STXBP6: variants seen among roughly 807,000 people sequenced by gnomAD.
STXBP6 encodes the protein syntaxin binding protein 6, also known as syntaxin-binding protein 6.
Under a neutral mutation model 26.9 loss-of-function variants are expected in STXBP6, and 21 were observed. The ratio of observed to expected loss-of-function variants is 0.78; its 90% CI spans 0.55 to 1.12. The LOEUF is 1.12. STXBP6 is among the 50% of genes most tolerant of loss of function. The pLI is 0.00. For missense variants in STXBP6, 232 were observed against 257.9 expected (o/e 0.90, Z 0.69); for synonymous variants, 97 against 92.6 (o/e 1.05, Z -0.27).
chr14:24,916,589 G>A (rs1163315297), intron 2 of STXBP6, among the ~76,000 whole-genome samples: 1 of 152,058 alleles, frequency 6.6e-6, no homozygotes, highest in African/African-American at 2.4e-5. Flanking sequence ...GGTGTGTGGG[G>A]AGTGTTTTGT....
At chr14:24,890,691 A>G (rs2070757009) in intron 2 of STXBP6, among the ~76,000 whole-genome samples, 1 of 152,212 alleles carries the variant, frequency 6.6e-6, no homozygotes, top group African/African-American at 2.4e-5. Flanking sequence ...CTTCTAGAGG[A>G]TACTGGAATC....
intron 2 of STXBP6, among the ~76,000 whole-genome samples, chr14:24,912,672 C>T (rs1011117907): frequency 1.3e-5 from 2 of 152,136 alleles, no homozygotes; most frequent in Non-Finnish European, 2.9e-5. Flanking sequence ...TGTGAGTACA[C>T]TTGATTAATG....
At chr14:24,818,994 C>T in intron 5 of STXBP6, 43 bp downstream of exon 5, 2 of 1,516,100 alleles carry the variant, frequency 1.3e-6, no homozygotes, top group Non-Finnish European at 1.8e-6. Flanking sequence ...CTGTAGCTCC[C>T]CAACACCCCA....
At chr14:25,031,073 T>A (rs536094960) in intron 1 of STXBP6, among the ~76,000 whole-genome samples, 7 of 152,202 alleles carry the variant, frequency 4.6e-5, no homozygotes, top group Non-Finnish European at 1.0e-4. Flanking sequence ...TATTTCTTCA[T>A]ACACACAATA....
At chr14:25,035,390 G>C (rs1424704032) in intron 1 of STXBP6, among the ~76,000 whole-genome samples, 6 of 152,252 alleles carry the variant, frequency 3.9e-5, no homozygotes, top group Admixed American at 2.6e-4. Context: ...TGTTTACTCA[G>C]GACACCATGA....
chr14:24,886,106 A>G (rs958921917), intron 2 of STXBP6, among the ~76,000 whole-genome samples: 1 of 152,014 alleles, frequency 6.6e-6, no homozygotes, highest in Admixed American at 6.6e-5. Flanking sequence ...AGGGCAGGAC[A>G]CTCCGACAAC....
intron 2 of STXBP6, among the ~76,000 whole-genome samples, chr14:24,902,469 G>A (rs1335482113): frequency 6.6e-6 from 1 of 152,130 alleles, no homozygotes; most frequent in African/African-American, 2.4e-5. Context: ...CTATATTTGA[G>A]ACTTGAGACT....
At chr14:24,815,155 T>C (rs1343036230) in intron 5 of STXBP6, among the ~76,000 whole-genome samples, 2 of 152,198 alleles carry the variant, frequency 1.3e-5, no homozygotes, top group African/African-American at 2.4e-5. Context: ...ATCTGCTGTA[T>C]GACCTTGAGC....
Position 24,907,681 on chromosome 14 carries a change from T to A in STXBP6, c.155-50524A>T, listed in dbSNP as rs2332453. 1.5e-3 allele frequency among the ~76,000 whole-genome samples: 221 copies of A among 152,320 alleles called. 1 individual carries two copies. Among genetic ancestry groups the A allele is most frequent in the Admixed American group, 3.8e-3 (58 of 15,302 alleles). ...TTAATAAGCATTTAAAAAAATCTTA[T>A]AACAAGTAGTTACACTGAATTCTAC... is the stretch of plus-strand genomic sequence containing the variant. On this transcript the variant is annotated intron_variant, in intron 2 of 5. Transcript: ENST00000323944.
At chr14:24,823,189 C>T (rs1017548098) in intron 4 of STXBP6, among the ~76,000 whole-genome samples, 9 of 152,050 alleles carry the variant, frequency 5.9e-5, no homozygotes, top group African/African-American at 1.9e-4. Flanking sequence ...AAAATATATA[C>T]GCTGACATCT....
chr14:24,952,421 A>T (rs796480984), intron 2 of STXBP6, among the ~76,000 whole-genome samples: 63 of 152,240 alleles, frequency 4.1e-4, no homozygotes, highest in African/African-American at 1.5e-3. Context: ...TTTGTTCTAA[A>T]CCTCCACAAA....
At chr14:24,976,073 C>T (rs907052124) in intron 1 of STXBP6, among the ~76,000 whole-genome samples, 2 of 152,186 alleles carry the variant, frequency 1.3e-5, no homozygotes, top group Non-Finnish European at 2.9e-5. Context: ...CAGCTGGTTA[C>T]AAAAACACCT....
intron 2 of STXBP6, among the ~76,000 whole-genome samples, chr14:24,954,634 AG>A (rs1453650040): frequency 6.6e-6 from 1 of 152,178 alleles, no homozygotes; most frequent in Non-Finnish European, 1.5e-5. Context: ...AGGAGGAGCT[AG>A]GGGATGAGAG....
intron 1 of STXBP6, among the ~76,000 whole-genome samples, chr14:25,043,796 T>C (rs1182822637): frequency 1.3e-5 from 2 of 152,216 alleles, no homozygotes; most frequent in Non-Finnish European, 2.9e-5. Context: ...TATGTTTGAA[T>C]AGTTTTCCTT....
intron 2 of STXBP6, among the ~76,000 whole-genome samples, chr14:24,920,556 T>C (rs1198449181): frequency 6.6e-6 from 1 of 151,862 alleles, no homozygotes; most frequent in East Asian, 1.9e-4. Flanking sequence ...TTCTAGAGAT[T>C]CCCCTTTTAT....
chr14:24,910,630 C>T (rs1345162944), intron 2 of STXBP6, among the ~76,000 whole-genome samples: 2 of 152,274 alleles, frequency 1.3e-5, no homozygotes, highest in Middle Eastern at 3.4e-3. Flanking sequence ...GTTACATAGC[C>T]TAGCAGGTCA....
chr14:24,944,516 G>A (rs1014533460), intron 2 of STXBP6, among the ~76,000 whole-genome samples: 2 of 152,118 alleles, frequency 1.3e-5, no homozygotes, highest in Admixed American at 6.5e-5. Flanking sequence ...GTGAAAATGC[G>A]ACTGCCTCAA....
intron 1 of STXBP6, among the ~76,000 whole-genome samples, chr14:24,996,204 T>G (rs2074597587): frequency 6.6e-6 from 1 of 152,226 alleles, no homozygotes; most frequent in Non-Finnish European, 1.5e-5. Flanking sequence ...ATACATTAAA[T>G]GTACTTATGA....
intron 1 of STXBP6, among the ~76,000 whole-genome samples, chr14:25,037,923 C>T (rs965859041): frequency 1.3e-5 from 2 of 152,106 alleles, no homozygotes; most frequent in Non-Finnish European, 2.9e-5. Context: ...GGGTTTTATA[C>T]CTCTATATAC....
Sources: gnomAD v4.1 joint callset for allele counts (sites outside exome capture counted in the v4.1 genomes callset) on GRCh38, gnomAD v4.1.1 for gene constraint, MANE v1.5 for transcripts, NCBI Gene and HGNC (gene_info 2026-07-23, HGNC 2026-07-21) for gene names.